Variants in NCOR2 observed in about 807,000 individuals in gnomAD.
NCOR2 encodes the protein nuclear receptor corepressor 2.
A neutral mutation model predicts 262.9 loss-of-function variants in NCOR2; 81 were observed. The observed-to-expected ratio is 0.31, with a 90% CI of 0.26 to 0.37. NCOR2 has a LOEUF of 0.37. Ranked by LOEUF, NCOR2 falls within the 10% of genes least tolerant of loss-of-function variation. The probability of loss-of-function intolerance (pLI) is 1.00; values close to 1 mark genes in which losing one functional copy is unlikely to be tolerated. For synonymous variants in NCOR2, 1,659 were observed against 1,559.3 expected (o/e 1.06, Z -1.51); for missense variants, 3,385 against 3,621.4 (o/e 0.93, Z 1.68).
intron 1 of NCOR2, among the ~76,000 whole-genome samples, chr12:124,547,640 C>T (rs947296367): frequency 6.6e-6 from 1 of 152,156 alleles, no homozygotes; most frequent in East Asian, 1.9e-4. Context: ...AAAAGGAGAC[C>T]CCATCAACAT....
chr12:124,377,567 G>A (rs867931282), intron 18 of NCOR2, among the ~76,000 whole-genome samples: 4 of 152,240 alleles, frequency 2.6e-5, no homozygotes, highest in Middle Eastern at 3.4e-3. Flanking sequence ...GGCCTGACGT[G>A]GTGACTCACA....
chr12:124,387,786 C>T (rs1393034770), intron 16 of NCOR2, among the ~76,000 whole-genome samples: 1 of 152,238 alleles, frequency 6.6e-6, no homozygotes, highest in Non-Finnish European at 1.5e-5. Context: ...TATATTTCCC[C>T]AGCCGGGGCC....
At chr12:124,444,365 C>T (rs1299834560) in intron 7 of NCOR2, among the ~76,000 whole-genome samples, 1 of 151,896 alleles carries the variant, frequency 6.6e-6, no homozygotes, top group East Asian at 1.9e-4. Context: ...TCTGCCAGGG[C>T]ACTGGAGAGG....
In NCOR2 at chr12:124,372,363, G is replaced by T. The variant is rs536931648; in HGVS notation, c.2466C>A (p.Val822=). 1.1e-5 allele frequency: 17 copies of T among 1,512,284 alleles called. No homozygotes were observed. The South Asian group carries it at 1.7e-4, about 15-fold the overall frequency. The allele number at this position is 1,512,284 out of a possible 1,614,324, so 93.7% of individuals were successfully genotyped here. A position where few individuals can be genotyped will look rare whatever the true frequency, so the allele number is the denominator to read the frequency against. Residue 822 remains valine (V), a synonymous_variant, in exon 20 of 47, where the codon GTC becomes GTA. Transcript: ENST00000405201. ...TCTCCTCCTCCTTCTCCTCCTTGGG[G>T]ACCACAGGAGGAGGTGCAGAGGGCG...
chr12:124,388,629 G>C, intron 16 of NCOR2: 1 of 1,299,132 alleles, frequency 7.7e-7, no homozygotes, highest in South Asian at 1.2e-5. Context: ...GCCACGTTGC[G>C]GTCCCTGTCC....
chr12:124,354,557 C>T, exon 26 of NCOR2: 2 of 1,596,536 alleles, frequency 1.3e-6, no homozygotes, highest in Non-Finnish European at 1.7e-6. Flanking sequence ...GGGACAGCTG[C>T]TCCTGCTTCA....
At chr12:124,499,452 T>C (rs2048566782), upstream of NCOR2, among the ~76,000 whole-genome samples, 1 of 152,062 alleles carries the variant, frequency 6.6e-6, no homozygotes, top group African/African-American at 2.4e-5. Context: ...TGCCCAGCCC[T>C]GGGGAGAGCC....
intron 1 of NCOR2, among the ~76,000 whole-genome samples, chr12:124,534,636 T>C (rs1594019869): frequency 6.6e-6 from 1 of 152,174 alleles, no homozygotes; most frequent in African/African-American, 2.4e-5. Context: ...CCAGCCTCCA[T>C]GCGCACGAGC....
intron 13 of NCOR2, among the ~76,000 whole-genome samples, chr12:124,407,603 G>A (rs928309675): frequency 2.6e-5 from 4 of 152,210 alleles, no homozygotes; most frequent in Admixed American, 2.0e-4. Flanking sequence ...GAAGGAAGAC[G>A]GTGGATTCCG....
At chr12:124,557,173 GA>G (rs2051910936) in intron 1 of NCOR2, among the ~76,000 whole-genome samples, 2 of 152,226 alleles carry the variant, frequency 1.3e-5, no homozygotes, top group South Asian at 4.1e-4. Context: ...CCACGTGGGG[GA>G]TGGGTCTCAG....
At chr12:124,339,893 G>GTCCC in intron 37 of NCOR2, 113 bp downstream of exon 39, 1 of 566,000 alleles carries the variant, frequency 1.8e-6, no homozygotes, top group Non-Finnish European at 3.0e-6. Flanking sequence ...CCACACATCT[G>GTCCC]CCCACCCACC....
intron 27 of NCOR2, among the ~76,000 whole-genome samples, chr12:124,353,001 C>G (rs918175096): frequency 6.6e-6 from 1 of 152,248 alleles, no homozygotes; most frequent in Non-Finnish European, 1.5e-5. Flanking sequence ...GTGCAGGCCA[C>G]ACGCTGACTT....
chr12:124,526,470 T>C (rs1297788969), intron 1 of NCOR2, among the ~76,000 whole-genome samples: 1 of 151,638 alleles, frequency 6.6e-6, no homozygotes, highest in Non-Finnish European at 1.5e-5. Flanking sequence ...GGACCTGGAG[T>C]CTGGAGATAT....
chr12:124,520,196 G>A (rs2050102353), intron 1 of NCOR2, among the ~76,000 whole-genome samples: 1 of 152,196 alleles, frequency 6.6e-6, no homozygotes, highest in South Asian at 2.1e-4. Context: ...CAAAGCCAAA[G>A]GTGGGATTCT....
chr12:124,514,534 GAA>G (rs1482927744), intron 1 of NCOR2: 1 of 152,186 alleles, frequency 6.6e-6, no homozygotes, highest in Non-Finnish European at 1.5e-5. Flanking sequence ...AAGGTCTCAG[GAA>G]AGGGTGTTCC....
chr12:124,414,362 T>C (rs567966299), intron 13 of NCOR2, among the ~76,000 whole-genome samples: 3 of 152,236 alleles, frequency 2.0e-5, no homozygotes, highest in Non-Finnish European at 4.4e-5. Flanking sequence ...GCGATAGTGC[T>C]GCATGACTGT....
intron 22 of NCOR2, among the ~76,000 whole-genome samples, chr12:124,359,672 T>C (rs867929059): frequency 1.1e-4 from 16 of 152,172 alleles, no homozygotes; most frequent in African/African-American, 2.9e-4. Flanking sequence ...TCCAGAGAGT[T>C]GGGAGAGAGA....
chr12:124,385,769 G>A lies in NCOR2; in HGVS notation c.1995C>T (p.Ile665=), dbSNP rs376278752. ...CCATCTTCAGCTTGTGCTGCTGCAA[G>A]ATCTCATCGAGGTTCTGCCTCTTCT... is the stretch of plus-strand genomic sequence containing the variant. The change falls in exon 17 of 47, where the codon ATC becomes ATT. Residue 665 remains isoleucine, a synonymous_variant. Transcript: ENST00000405201. 1.7e-4 allele frequency: 271 copies of A among 1,613,944 alleles called. 3 individuals are homozygous for A. In the South Asian group the frequency reaches 1.8e-3, roughly 11 times the overall value.
At chr12:124,343,009 G>A (rs760461669) in exon 33 of NCOR2, 27 of 1,610,632 alleles carry the variant, frequency 1.7e-5, no homozygotes, top group Middle Eastern at 2.1e-4. Flanking sequence ...AATCACCTGC[G>A]TCCAGAGGGA....
Sources: allele counts gnomAD v4.1 joint callset (sites outside exome capture counted in the v4.1 genomes callset), GRCh38; gene constraint gnomAD v4.1.1; transcripts MANE v1.5; gene names NCBI Gene and HGNC (gene_info 2026-07-23, HGNC 2026-07-21).